SLAIN2: variants seen among roughly 807,000 people sequenced by gnomAD.
SLAIN2 encodes the protein SLAIN motif-containing protein 2.
SLAIN2 carries 31 observed loss-of-function variants against 56.6 expected under a neutral mutation model. The observed-to-expected ratio is 0.55, with a 90% CI of 0.41 to 0.74. The LOEUF is 0.74. SLAIN2 is among the 30% of genes least tolerant of loss of function. The pLI is 0.00. For missense variants in SLAIN2, 777 were observed against 754.2 expected (o/e 1.03, Z -0.35); for synonymous variants, 317 against 284.9 (o/e 1.11, Z -1.13).
intron 1 of SLAIN2, among the ~76,000 whole-genome samples, chr4:48,359,382 A>G (rs1393735045): frequency 1.3e-5 from 2 of 152,352 alleles, no homozygotes; most frequent in African/African-American, 2.4e-5. Context: ...TGCTTTTAAT[A>G]TAACTTTTAT....
In SLAIN2 at chr4:48,345,516, A is replaced by G. The variant is rs149824931; in HGVS notation, c.389+3388A>G. On this transcript the variant is annotated intron_variant, in intron 1 of 7. Coordinates refer to ENST00000264313, the MANE Select transcript of SLAIN2 (RefSeq NM_020846.2). Reference sequence around the variant, plus strand: ...TCAAATGCTGTTTTTTTTTTAACCAAATACTTCATTGACAGTTTTAACTTC... The same window carrying G: ...TCAAATGCTGTTTTTTTTTTAACCAGATACTTCATTGACAGTTTTAACTTC... Among the ~76,000 whole-genome samples, 477 of 152,158 alleles carry G rather than the reference A, an allele frequency of 3.1e-3. 1 individual carries two copies. The highest frequency in any genetic ancestry group is 6.8e-3 in the Middle Eastern group (2 of 294).
chr4:48,410,507 C>G (rs1368996303), intron 6 of SLAIN2, among the ~76,000 whole-genome samples: 1 of 152,242 alleles, frequency 6.6e-6, no homozygotes, highest in South Asian at 2.1e-4. Flanking sequence ...CAGTGCCTAA[C>G]CCTAGTCATT....
At chr4:48,393,439 G>C (rs368086612) in intron 6 of SLAIN2, among the ~76,000 whole-genome samples, 92 of 149,046 alleles carry the variant, frequency 6.2e-4, no homozygotes, top group African/African-American at 2.1e-3. Flanking sequence ...GAGTCTCCCT[G>C]TGCTGCCCAG....
chr4:48,381,722 GACTTTAGGATTTGAATACC>G (rs1166629828), intron 4 of SLAIN2, among the ~76,000 whole-genome samples: 1 of 152,178 alleles, frequency 6.6e-6, no homozygotes, highest in African/African-American at 2.4e-5. Context: ...GTGAATACAT[GACTTTAGGATTTGAATACC>G]ACTTTATAAC....
chr4:48,343,315 T>C (rs1714776506), intron 1 of SLAIN2, among the ~76,000 whole-genome samples: 1 of 152,196 alleles, frequency 6.6e-6, no homozygotes, highest in Non-Finnish European at 1.5e-5. Context: ...GTTATGAAAA[T>C]TTAGTAAGAT....
At chr4:48,368,499 T>C (rs565548531) in intron 1 of SLAIN2, among the ~76,000 whole-genome samples, 1 of 152,324 alleles carries the variant, frequency 6.6e-6, no homozygotes, top group South Asian at 2.1e-4. Flanking sequence ...GTAGTGATAA[T>C]ATCATAAAAT....
At chr4:48,357,716 C>G (rs1348047497) in intron 1 of SLAIN2, among the ~76,000 whole-genome samples, 1 of 151,892 alleles carries the variant, frequency 6.6e-6, no homozygotes, top group Admixed American at 6.6e-5. Context: ...CCACCACGCC[C>G]GGCTAATTTT....
intron 6 of SLAIN2, among the ~76,000 whole-genome samples, chr4:48,409,769 A>G (rs1284536384): frequency 6.6e-6 from 1 of 152,132 alleles, no homozygotes; most frequent in Non-Finnish European, 1.5e-5. Context: ...CTGTAACCTC[A>G]GCTACCCGGA....
chr4:48,356,997 C>T (rs393338), intron 1 of SLAIN2, among the ~76,000 whole-genome samples: 34,681 of 151,900 alleles, frequency 0.23, 4,759 homozygotes, highest in Middle Eastern at 0.33. Flanking sequence ...CAACTAATGT[C>T]ACTTCAGTGC....
At chr4:48,406,722 A>G (rs1197852144) in intron 6 of SLAIN2, among the ~76,000 whole-genome samples, 1 of 152,102 alleles carries the variant, frequency 6.6e-6, no homozygotes, top group Non-Finnish European at 1.5e-5. Context: ...TAGATTCCTT[A>G]AGGAATTATG....
At chr4:48,407,258 T>G (rs1716722719) in intron 6 of SLAIN2, among the ~76,000 whole-genome samples, 1 of 152,136 alleles carries the variant, frequency 6.6e-6, no homozygotes. Flanking sequence ...ACTCTTATGT[T>G]TCTCCTTAGT....
chr4:48,400,644 G>A (rs571975704), intron 6 of SLAIN2, among the ~76,000 whole-genome samples: 1 of 151,740 alleles, frequency 6.6e-6, no homozygotes. Context: ...TCAAGTGATC[G>A]CCCGCCTTGG....
At chr4:48,369,704 T>C in intron 1 of SLAIN2, 145 bp from the exon 2 acceptor site, 1 of 641,824 alleles carries the variant, frequency 1.6e-6, no homozygotes, top group Non-Finnish European at 2.5e-6. Flanking sequence ...TTTCTTCCTG[T>C]GCAGTAAGTA....
Position 48,425,109 on chromosome 4 carries a change from G to A in SLAIN2, c.*3032G>A, listed in dbSNP as rs547223839. 6.6e-6 allele frequency: 1 copy of A among 152,102 alleles called. No homozygotes were observed. The highest frequency in any genetic ancestry group is 1.9e-4 in the East Asian group (1 of 5,180). The allele number at this position is 152,102 out of a possible 1,614,324, so 9.4% of individuals were successfully genotyped here. A position where few individuals can be genotyped will look rare whatever the true frequency, so the allele number is the denominator to read the frequency against. On this transcript the variant is annotated 3_prime_UTR_variant, in exon 8 of 8. Coordinates refer to ENST00000264313, the MANE Select transcript of SLAIN2 (RefSeq NM_020846.2). ...ACACTTGGTTTTAATAAATTACTCA[G>A]TTGAGTTTTTCTTTAACCACAGAAA...
intron 1 of SLAIN2, among the ~76,000 whole-genome samples, chr4:48,348,942 C>T (rs1358735112): frequency 2.6e-5 from 4 of 152,138 alleles, no homozygotes; most frequent in African/African-American, 7.2e-5. Context: ...AGCAGTCCAG[C>T]GCTAATTTAC....
chr4:48,402,225 G>A lies in SLAIN2; in HGVS notation c.1361-17900G>A, dbSNP rs200438469. 3.3e-4 allele frequency among the ~76,000 whole-genome samples: 47 copies of A among 142,824 alleles called. No homozygotes were observed. The East Asian group carries it at 7.3e-3, about 22-fold the overall frequency. 93.7% of individuals were successfully genotyped at this position (142,824 alleles called of 152,430 possible). The stretch of plus-strand genomic sequence containing the variant: ...ATTTTTTTTTTTTTTCCTTCATTTC[G>A]ACCTTGGAGAATCTGATGATTATGT... On this transcript the variant is annotated intron_variant, in intron 6 of 7. Transcript: ENST00000264313.
intron 3 of SLAIN2, 30 bp downstream of exon 3, chr4:48,378,090 G>C: frequency 6.2e-7 from 1 of 1,602,352 alleles, no homozygotes; most frequent in East Asian, 2.2e-5. Flanking sequence ...GAGCTATTAA[G>C]GAATGTTTTT....
At chr4:48,343,746 A>T (rs1055424195) in intron 1 of SLAIN2, among the ~76,000 whole-genome samples, 16 of 152,322 alleles carry the variant, frequency 1.1e-4, no homozygotes, top group African/African-American at 3.8e-4. Context: ...ACTCTCAGGA[A>T]GATTTGAGTA....
chr4:48,375,596 A>C lies in SLAIN2; in HGVS notation c.539-2300A>C, dbSNP rs189524274. On this transcript the variant is annotated intron_variant, in intron 2 of 7. Transcript: ENST00000264313. Reference sequence around the variant, plus strand: ...TTTTTCTCCTTACACTGATCAGATCATATCATATGCTTGATCAAAATCACA... The same window carrying C: ...TTTTTCTCCTTACACTGATCAGATCCTATCATATGCTTGATCAAAATCACA... Among the ~76,000 whole-genome samples, 3 of 152,256 alleles carry C rather than the reference A, an allele frequency of 2.0e-5. No individual in the cohort carries two copies. The East Asian group carries it at 5.8e-4, about 29-fold the overall frequency.
Sources: allele counts gnomAD v4.1 joint callset (sites outside exome capture counted in the v4.1 genomes callset), GRCh38; gene constraint gnomAD v4.1.1; transcripts MANE v1.5; gene names NCBI Gene and HGNC (gene_info 2026-07-23, HGNC 2026-07-21).